Variants in ENOX1 observed in about 807,000 individuals in gnomAD.
The protein encoded by ENOX1 is ecto-NOX disulfide-thiol exchanger 1.
Under a neutral mutation model 82.5 loss-of-function variants are expected in ENOX1, and 42 were observed. The ratio of observed to expected loss-of-function variants is 0.51; its 90% CI spans 0.40 to 0.66. The LOEUF is 0.66. ENOX1 is among the 30% of genes least tolerant of loss of function. The pLI, the probability that ENOX1 is intolerant of heterozygous loss-of-function variation, is 0.00. For missense variants in ENOX1, 608 were observed against 811.6 expected (o/e 0.75, Z 3.05); for synonymous variants, 271 against 282.2 (o/e 0.96, Z 0.40).
intron 11 of ENOX1, among the ~76,000 whole-genome samples, chr13:43,318,671 G>T (rs1470856207): frequency 6.6e-6 from 1 of 152,204 alleles, no homozygotes; most frequent in Non-Finnish European, 1.5e-5. Context: ...AGAAGAAGGG[G>T]AATATGAATT....
intron 2 of ENOX1, among the ~76,000 whole-genome samples, chr13:43,551,727 C>T (rs2079203436): frequency 1.3e-5 from 2 of 152,148 alleles, no homozygotes; most frequent in Admixed American, 1.3e-4. Flanking sequence ...CAAAGCTGTT[C>T]TAGCTGTTCC....
intron 2 of ENOX1, among the ~76,000 whole-genome samples, chr13:43,541,173 G>GTTGTTTTTTTTTTT (rs2078696705): frequency 1.5e-5 from 1 of 64,574 alleles, no homozygotes; most frequent in Non-Finnish European, 3.2e-5. Context: ...TCTTCCCTCT[G>GTTGTTTTTTTTTTT]TTTTTTTTTT....
At chr13:43,630,008 G>T (rs1240180708) in intron 2 of ENOX1, among the ~76,000 whole-genome samples, 1 of 151,998 alleles carries the variant, frequency 6.6e-6, no homozygotes, top group Non-Finnish European at 1.5e-5. Context: ...TCCAGTTCCT[G>T]GTGTCTTCTA....
At position 43,484,153 on chromosome 13, in the gene ENOX1, C is replaced by T. The variant is rs1007954691; in HGVS notation, c.-218-1G>A. Reference sequence around the variant, plus strand: ...CATGGTTCTGACATATCAGAGGCTTCTGGAAGCAAAGAAAAGCACACCGTT... The same window carrying T: ...CATGGTTCTGACATATCAGAGGCTTTTGGAAGCAAAGAAAAGCACACCGTT... On this transcript the variant is annotated splice_acceptor_variant, in intron 2 of 16. Coordinates refer to ENST00000690772, the MANE Select transcript of ENOX1 (RefSeq NM_001347969.2). LOFTEE classifies it low-confidence loss of function (5UTR_SPLICE). 5 of 985,266 alleles carry T rather than the reference C, an allele frequency of 5.1e-6. No individual in the cohort carries two copies. In the African/African-American group the frequency reaches 8.7e-5, roughly 17 times the overall value. 61.0% of individuals were successfully genotyped at this position (985,266 alleles called of 1,614,324 possible). A position where few individuals can be genotyped will look rare whatever the true frequency, so the allele number is the denominator to read the frequency against.
At chr13:43,752,708 C>T (rs933829997) in intron 1 of ENOX1, among the ~76,000 whole-genome samples, 1 of 152,154 alleles carries the variant, frequency 6.6e-6, no homozygotes, top group Non-Finnish European at 1.5e-5. Flanking sequence ...CTGCCTCTTT[C>T]TTCTGTTCCA....
At chr13:43,735,331 T>C (rs1005545358) in intron 1 of ENOX1, among the ~76,000 whole-genome samples, 2 of 152,156 alleles carry the variant, frequency 1.3e-5, no homozygotes, top group Non-Finnish European at 2.9e-5. Context: ...TAAAACATAT[T>C]ACAGTATTTA....
chr13:43,577,265 G>A (rs9567216), intron 2 of ENOX1, among the ~76,000 whole-genome samples: 11,838 of 152,048 alleles, frequency 0.078, 591 homozygotes, highest in East Asian at 0.26. Flanking sequence ...CTGAGTAGCT[G>A]GGATCACAGG....
At chr13:43,461,744 G>C (rs1030849156) in intron 3 of ENOX1, among the ~76,000 whole-genome samples, 1 of 152,190 alleles carries the variant, frequency 6.6e-6, no homozygotes, top group Non-Finnish European at 1.5e-5. Context: ...AGAATGAGTA[G>C]GGAGGAATCA....
intron 2 of ENOX1, among the ~76,000 whole-genome samples, chr13:43,662,186 A>G (rs1220403152): frequency 4.6e-5 from 7 of 152,162 alleles, no homozygotes; most frequent in Non-Finnish European, 1.0e-4. Flanking sequence ...TTCTTTAATC[A>G]ATAACTCTTT....
intron 1 of ENOX1, among the ~76,000 whole-genome samples, chr13:43,782,387 G>A (rs533676658): frequency 4.4e-4 from 67 of 152,262 alleles, no homozygotes; most frequent in Non-Finnish European, 9.0e-4. Flanking sequence ...ATTATATCCA[G>A]ACAGTGGAAA....
At chr13:43,775,275 T>C (rs1951850851) in intron 1 of ENOX1, among the ~76,000 whole-genome samples, 3 of 152,192 alleles carry the variant, frequency 2.0e-5, no homozygotes, top group African/African-American at 7.2e-5. Flanking sequence ...CTCAGCCTCC[T>C]GAGTAGCTTA....
intron 1 of ENOX1, among the ~76,000 whole-genome samples, chr13:43,732,855 C>T (rs767856604): frequency 4.6e-5 from 7 of 152,332 alleles, no homozygotes; most frequent in Non-Finnish European, 8.8e-5. Flanking sequence ...CAAGACAAAG[C>T]AAGTTCTCCA....
intron 1 of ENOX1, among the ~76,000 whole-genome samples, chr13:43,764,042 C>T (rs1050295840): frequency 1.3e-5 from 2 of 152,182 alleles, no homozygotes; most frequent in Non-Finnish European, 2.9e-5. Flanking sequence ...TTAATGTTTA[C>T]CTCTCTTACC....
At chr13:43,473,361 G>GA (rs1382237261) in intron 3 of ENOX1, among the ~76,000 whole-genome samples, 1 of 151,994 alleles carries the variant, frequency 6.6e-6, no homozygotes, top group Non-Finnish European at 1.5e-5. Flanking sequence ...TTTTTGGGGG[G>GA]ATTACACATT....
At chr13:43,390,681 G>T (rs1283131328) in intron 5 of ENOX1, among the ~76,000 whole-genome samples, 1 of 152,076 alleles carries the variant, frequency 6.6e-6, no homozygotes, top group Non-Finnish European at 1.5e-5. Flanking sequence ...AAAGTGTACT[G>T]TCATATCCTA....
intron 16 of ENOX1, among the ~76,000 whole-genome samples, chr13:43,219,175 G>A (rs940317029): frequency 6.6e-6 from 1 of 152,172 alleles, no homozygotes; most frequent in African/African-American, 2.4e-5. Flanking sequence ...CCTGGGAAGA[G>A]CTGTTGCTTG....
chr13:43,429,712 G>A (rs1287428483), intron 3 of ENOX1, among the ~76,000 whole-genome samples: 2 of 152,156 alleles, frequency 1.3e-5, no homozygotes, highest in East Asian at 3.8e-4. Flanking sequence ...AAGGAAAAGA[G>A]AAAACATGAA....
At chr13:43,317,369 G>C (rs2047562333) in intron 11 of ENOX1, among the ~76,000 whole-genome samples, 1 of 152,152 alleles carries the variant, frequency 6.6e-6, no homozygotes, top group South Asian at 2.1e-4. Flanking sequence ...CCTGGCTGGT[G>C]ATGGGGTAAC....
chr13:43,336,535 A>G (rs1029166009), intron 9 of ENOX1, among the ~76,000 whole-genome samples: 1 of 152,206 alleles, frequency 6.6e-6, no homozygotes, highest in Non-Finnish European at 1.5e-5. Flanking sequence ...CAGGGTTGAA[A>G]TGTGGCTTAA....
Sources: allele counts gnomAD v4.1 joint callset (sites outside exome capture counted in the v4.1 genomes callset), GRCh38; gene constraint gnomAD v4.1.1; transcripts MANE v1.5; gene names NCBI Gene and HGNC (gene_info 2026-07-23, HGNC 2026-07-21).